CUBN: variants seen among roughly 807,000 people sequenced by gnomAD.
The protein encoded by CUBN is 460 kDa receptor.
A neutral mutation model predicts 405.3 loss-of-function variants in CUBN; 282 were observed. The ratio of observed to expected loss-of-function variants is 0.70; its 90% confidence interval spans 0.63 to 0.77. The LOEUF is 0.77. Among genes scored for constraint, CUBN ranks in the 30% least tolerant of loss-of-function variants. CUBN has a pLI of 0.00. For synonymous variants in CUBN, 1,684 were observed against 1,617.0 expected, an observed-to-expected ratio of 1.04 and a Z score of -0.99; for missense variants, 4,514 against 4,475.2, an observed-to-expected ratio of 1.01 and a Z score of -0.25.
At chr10:16,900,570 G>A in intron 53 of CUBN, 55 bp downstream of exon 53, 1 of 1,308,308 alleles carries the variant, frequency 7.6e-7, no homozygotes, top group Non-Finnish European at 1.1e-6. Flanking sequence ...CATATTATGA[G>A]TTCATACTAT....
At chr10:17,041,872 A>G (rs966448174) in intron 26 of CUBN, among the ~76,000 whole-genome samples, 6 of 152,226 alleles carry the variant, frequency 3.9e-5, no homozygotes, top group African/African-American at 1.2e-4. Flanking sequence ...AAAGTCTTCA[A>G]TCCAATGGTG....
intron 45 of CUBN, 103 bp downstream of exon 45, chr10:16,918,519 T>C: frequency 3.4e-6 from 3 of 870,934 alleles, no homozygotes; most frequent in Non-Finnish European, 3.7e-6. Context: ...ACCTGGCTGA[T>C]GAAATAATCT....
intron 36 of CUBN, among the ~76,000 whole-genome samples, chr10:16,942,669 G>T (rs924207363): frequency 6.6e-5 from 10 of 152,252 alleles, no homozygotes; most frequent in African/African-American, 2.4e-4. Flanking sequence ...AAGTTTGGTG[G>T]TTCCTCAAAA....
chr10:17,063,855 C>T (rs1319405175), intron 22 of CUBN, among the ~76,000 whole-genome samples: 6 of 152,306 alleles, frequency 3.9e-5, no homozygotes, highest in East Asian at 1.9e-4. Context: ...AGTCATCTCT[C>T]GAAGATTACC....
intron 56 of CUBN, among the ~76,000 whole-genome samples, chr10:16,883,942 T>A (rs955885131): frequency 6.6e-6 from 1 of 152,254 alleles, no homozygotes; most frequent in African/African-American, 2.4e-5. Flanking sequence ...GGTGAATTAA[T>A]GTTACTACCC....
chr10:17,127,212 T>C (rs7910226), intron 3 of CUBN, among the ~76,000 whole-genome samples: 12 of 109,688 alleles, frequency 1.1e-4, no homozygotes, highest in Non-Finnish European at 1.6e-4. Context: ...CTGTCTTTCT[T>C]TCTCTCTCTC....
intron 59 of CUBN, among the ~76,000 whole-genome samples, chr10:16,865,372 A>G (rs1270098596): frequency 1.3e-5 from 2 of 152,108 alleles, no homozygotes; most frequent in Non-Finnish European, 2.9e-5. Flanking sequence ...AGGTCTCTGA[A>G]CTGACCTTAA....
In CUBN at chr10:16,984,099, A is replaced by G; in HGVS notation, c.4525+6T>C. 1 of 1,613,924 alleles carries G rather than the reference A, an allele frequency of 6.2e-7. No homozygotes were observed. Among genetic ancestry groups the G allele is most frequent in the South Asian group, 1.1e-5 (1 of 91,064 alleles). On this transcript the variant is annotated splice_donor_region_variant and intron_variant, in intron 30 of 66. Transcript: ENST00000377833. ...GTACTTTAGGAAACCTCCTTTTCTC[A>G]CTCACCTCCAGTGACTGCTTGCCAT...
At chr10:17,071,385 T>C (rs772336325) in intron 19 of CUBN, 41 bp downstream of exon 19, 3 of 1,592,220 alleles carry the variant, frequency 1.9e-6, no homozygotes, top group Admixed American at 3.3e-5. Flanking sequence ...TTTTTTATAA[T>C]ATACAACCAA....
At chr10:16,987,051 C>T (rs964528437) in intron 29 of CUBN, among the ~76,000 whole-genome samples, 2 of 152,178 alleles carry the variant, frequency 1.3e-5, no homozygotes, top group African/African-American at 4.8e-5. Context: ...AAGCCTATCG[C>T]AGAGAGGCCA....
At chr10:17,113,122 G>T (rs111599137) in intron 8 of CUBN, among the ~76,000 whole-genome samples, 6 of 152,000 alleles carry the variant, frequency 3.9e-5, no homozygotes, top group African/African-American at 1.2e-4. Context: ...AAAATTAGCC[G>T]GGTGTGGTGA....
At position 16,919,975 on chromosome 10, in the gene CUBN, T is replaced by A. The variant is rs753298162; in HGVS notation, c.6809A>T (p.Glu2270Val). 1.9e-6 allele frequency: 3 copies of A among 1,613,118 alleles called. No individual in the cohort carries two copies. Among genetic ancestry groups the A allele is most frequent in the Non-Finnish European group, 2.5e-6 (3 of 1,179,916 alleles). Residue 2270 changes from glutamate to valine, a missense_variant, in exon 44 of 67, where the codon GAA becomes GTA. Physicochemically the swap from Glu to Val is moderately radical, Grantham distance 121. This residue lies in a region of CUBN where 1,613 missense variants were observed against 1,542.8 expected (regional missense o/e 1.05). Coordinates refer to ENST00000377833, the MANE Select transcript of CUBN (RefSeq NM_001081.4). ...GGAAGTGACATACTTGGGTGTTACT[T>A]CAATATCGAATCGATCTTCAAATTG... is the stretch of plus-strand genomic sequence containing the variant. ...QLQFEDRFDI[E>V]VTPNCTSNYL... is the part of the protein sequence containing the mutation.
In CUBN at chr10:16,889,935, C is replaced by CAAAAAAAAAAAAA. The variant is rs1554788544; in HGVS notation, c.8755+423_8755+435dup. On this transcript the variant is annotated intron_variant, in intron 55 of 66. Coordinates refer to ENST00000377833, the MANE Select transcript of CUBN (RefSeq NM_001081.4). ...CTGGCGACAGAGTGAGACGCCGTGT[C>CAAAAAAAAAAAAA]AAAAAAAAAAAAAAAAAACAGGAAA... 8.7e-3 allele frequency among the ~76,000 whole-genome samples: 172 copies of CAAAAAAAAAAAAA among 19,874 alleles called. 23 individuals carry two copies. Among genetic ancestry groups the CAAAAAAAAAAAAA allele is most frequent in the African/African-American group, 0.012 (60 of 4,822 alleles). 13.0% of individuals were successfully genotyped at this position (19,874 alleles called of 152,430 possible).
chr10:16,906,172 AT>A (rs1308668224), intron 50 of CUBN, 30 bp downstream of exon 50: 2 of 1,462,494 alleles, frequency 1.4e-6, no homozygotes, highest in Non-Finnish European at 1.9e-6. Flanking sequence ...TTGTAGATAA[AT>A]GGGAAAACGC....
chr10:17,116,256 CA>C (rs1312784186), intron 6 of CUBN, among the ~76,000 whole-genome samples: 1 of 152,188 alleles, frequency 6.6e-6, no homozygotes, highest in Non-Finnish European at 1.5e-5. Context: ...GATTTAAGTC[CA>C]ATGATAATCA....
rs1273879736 is a variant in CUBN at position 16,851,385 on chromosome 10, A to G, written c.9513T>C (p.Pro3171=). Residue 3171 remains proline (P), a synonymous_variant, in exon 60 of 67, where the codon CCT becomes CCC. Coordinates refer to ENST00000377833, the MANE Select transcript of CUBN (RefSeq NM_001081.4). The part of the protein sequence containing the change: ...LTGSNNTFAS[P]DSDSNGMYDK... ...CATACATTCCATTCGAATCAGAATCAGGAGAGGCAAAGGTATTATTCGAGC... is the reference window on the plus strand; with the variant it reads ...CATACATTCCATTCGAATCAGAATCGGGAGAGGCAAAGGTATTATTCGAGC... 1.2e-6 allele frequency: 2 copies of G among 1,614,060 alleles called. No individual in the cohort carries two copies. The highest frequency in any genetic ancestry group is 4.5e-5 in the East Asian group (2 of 44,892).
intron 22 of CUBN, among the ~76,000 whole-genome samples, chr10:17,062,749 T>C (rs1835529880): frequency 6.6e-6 from 1 of 152,168 alleles, no homozygotes. Context: ...TTAACCTTTA[T>C]CAGATGAAGA....
chr10:16,996,663 C>T (rs1289070492), intron 28 of CUBN, among the ~76,000 whole-genome samples: 1 of 152,098 alleles, frequency 6.6e-6, no homozygotes, highest in East Asian at 1.9e-4. Flanking sequence ...AGTAATGAAA[C>T]AGCTAAATGG....
chr10:17,122,894 G>A lies in CUBN; in HGVS notation c.494C>T (p.Pro165Leu). The change falls in exon 6 of 67, where the codon CCT becomes CTT. Residue 165 changes from proline to leucine, a missense_variant. Transcript: ENST00000377833. ...TTCGTTAACATCAGCTGAGCAGAGA[G>A]GACCCTGTGATCATATAAGGAACAA... ...FCICPPQWKG[P>L]LCSADVNECE... 3 of 1,612,776 alleles carry A rather than the reference G, an allele frequency of 1.9e-6. No individual in the cohort carries two copies. Among genetic ancestry groups the A allele is most frequent in the Non-Finnish European group, 8.5e-7 (1 of 1,178,822 alleles).
Sources: allele counts gnomAD v4.1 joint callset (sites outside exome capture counted in the v4.1 genomes callset), GRCh38; gene constraint gnomAD v4.1.1; regional missense constraint gnomAD v4.1.1; transcripts MANE v1.5; gene names NCBI Gene and HGNC (gene_info 2026-07-23, HGNC 2026-07-21).